The following ARHGAP6 variants were observed in gnomAD, a reference collection of about 807,000 sequenced individuals.
ARHGAP6 encodes the protein Rho GTPase activating protein 6, also known as rho GTPase-activating protein 6.
In ARHGAP6, 16 loss-of-function variants were observed where a neutral mutation model predicts 55.7. The ratio of observed to expected loss-of-function variants is 0.29; its 90% confidence interval spans 0.19 to 0.44. ARHGAP6 has a LOEUF of 0.44. Among genes scored for constraint, ARHGAP6 ranks in the 20% least tolerant of loss-of-function variants. ARHGAP6 has a pLI of 1.00. For synonymous variants in ARHGAP6, 382 were observed against 360.9 expected, an observed-to-expected ratio of 1.06 and a Z score of -0.66; for missense variants, 698 against 808.9, an observed-to-expected ratio of 0.86 and a Z score of 1.66.
rs764476015 is a variant in ARHGAP6, at chrX:11,424,589, G to A, written c.589-169882C>T. 5.9e-4 allele frequency among the ~76,000 whole-genome samples: 66 copies of A among 111,371 alleles called. 1 individual carries two copies. The highest frequency in any genetic ancestry group is 5.5e-3 in the Admixed American group (58 of 10,537). ...ACTGCTCTCAACCTCCTACCCAGCT[G>A]CCACCCTAGCATCAGTCATCTTCTC... On this transcript the variant is annotated intron_variant, in intron 1 of 12. Transcript: ENST00000337414.
At chrX:11,461,804 T>C (rs1237743404) in intron 1 of ARHGAP6, among the ~76,000 whole-genome samples, 1 of 111,848 alleles carries the variant, frequency 8.9e-6, no homozygotes, top group Non-Finnish European at 1.9e-5. Flanking sequence ...GACTTTAGAC[T>C]TCCTGCAGGC....
chrX:11,175,759 A>G (rs1341797007), intron 8 of ARHGAP6, among the ~76,000 whole-genome samples: 3 of 111,000 alleles, frequency 2.7e-5, no homozygotes, highest in Non-Finnish European at 5.7e-5. Flanking sequence ...GGATGCTGCT[A>G]AACATCCTAC....
Position 11,156,576 on chromosome X carries a change from A to G in ARHGAP6, c.1860T>C (p.Asp620=). Residue 620 remains aspartate (D), a synonymous_variant, in exon 10 of 13, where the codon GAT becomes GAC. Coordinates refer to ENST00000337414, the MANE Select transcript of ARHGAP6 (RefSeq NM_013427.3). ...NEVLISLLET[D]PDVVDYLLRR... is the part of the protein sequence containing the mutation. ...TGAGTAAATAGTCCACGACATCAGGATCGGTCTCTAACAGGCTGATCAGCA... is the reference window on the plus strand; with the variant it reads ...TGAGTAAATAGTCCACGACATCAGGGTCGGTCTCTAACAGGCTGATCAGCA... 8.3e-7 allele frequency: 1 copy of G among 1,211,705 alleles called. No homozygotes were observed. Among genetic ancestry groups the G allele is most frequent in the Non-Finnish European group, 1.1e-6 (1 of 895,377 alleles).
intron 1 of ARHGAP6, among the ~76,000 whole-genome samples, chrX:11,636,590 A>T (rs1306798672): frequency 9.0e-6 from 1 of 111,515 alleles, no homozygotes; most frequent in African/African-American, 3.3e-5. Flanking sequence ...GAAAAGGGTT[A>T]TGTGGATTTT....
At chrX:11,348,797 G>C (rs2048820172) in intron 1 of ARHGAP6, among the ~76,000 whole-genome samples, 1 of 110,568 alleles carries the variant, frequency 9.0e-6, no homozygotes, top group South Asian at 3.9e-4. Context: ...CTCCAGGTGG[G>C]CACCACACCT....
Position 11,139,216 on chromosome X carries a change from C to G in ARHGAP6, c.2572G>C (p.Gly858Arg). The G allele has an allele frequency of 8.3e-7, 1 of 1,201,786 alleles. No homozygotes were observed. Residue 858 changes from glycine (G) to arginine (R), a missense_variant, in exon 13 of 13, where the codon GGG becomes CGG. Transcript: ENST00000337414. ...TGAGGTGTGGCCCGGCTCTGCAGCC[C>G]GGCCACATCCAGCTCACTCTCGCTG... ...DLSESELDVA[G>R]LQSRATPQCQ... is the part of the protein sequence containing the mutation.
chrX:11,609,177 A>G (rs2052072517), intron 1 of ARHGAP6, among the ~76,000 whole-genome samples: 1 of 112,117 alleles, frequency 8.9e-6, no homozygotes, highest in Non-Finnish European at 1.9e-5. Flanking sequence ...ATTATCTTAA[A>G]TTTGGGTTCC....
chrX:11,178,969 C>T (rs918057622), intron 7 of ARHGAP6, among the ~76,000 whole-genome samples: 6 of 111,928 alleles, frequency 5.4e-5, no homozygotes, highest in Admixed American at 9.5e-5. Context: ...CCTCCTTCTT[C>T]GTACCAGAAA....
Position 11,553,622 on chromosome X carries a change from G to C in ARHGAP6, c.588+110619C>G, listed in dbSNP as rs2051292674. On this transcript the variant is annotated intron_variant, in intron 1 of 12. Coordinates refer to ENST00000337414, the MANE Select transcript of ARHGAP6 (RefSeq NM_013427.3). The stretch of plus-strand genomic sequence containing the variant: ...TAGTCCTTTTCTAATTTGAAAAGCA[G>C]AGCATTTTTACTCTTGAAGCAATTC... Among the ~76,000 whole-genome samples the C allele has an allele frequency of 2.7e-5, 3 of 111,926 alleles. No homozygotes were observed. In the Admixed American group the frequency reaches 2.8e-4, roughly 11 times the overall value.
chrX:11,233,255 C>T (rs1332518363), intron 2 of ARHGAP6, among the ~76,000 whole-genome samples: 3 of 112,188 alleles, frequency 2.7e-5, no homozygotes, highest in East Asian at 2.8e-4. Flanking sequence ...AGGTAGTTCA[C>T]GTCTGTTTAG....
chrX:11,316,878 C>A (rs746044423), intron 1 of ARHGAP6, among the ~76,000 whole-genome samples: 20 of 112,645 alleles, frequency 1.8e-4, no homozygotes, highest in South Asian at 3.7e-4. Flanking sequence ...CATGTTGTTG[C>A]AAATAACAGG....
intron 1 of ARHGAP6, among the ~76,000 whole-genome samples, chrX:11,386,406 C>T (rs890530790): frequency 2.7e-5 from 3 of 111,971 alleles, no homozygotes; most frequent in African/African-American, 9.7e-5. Context: ...CTAGAGACCA[C>T]GGAGTTCAGG....
intron 1 of ARHGAP6, among the ~76,000 whole-genome samples, chrX:11,274,224 T>C (rs976329179): frequency 8.9e-6 from 1 of 112,233 alleles, no homozygotes; most frequent in Non-Finnish European, 1.9e-5. Context: ...TTAATTATTA[T>C]AGGTAATAAA....
chrX:11,518,781 C>T (rs1407886688), intron 1 of ARHGAP6, among the ~76,000 whole-genome samples: 2 of 67,838 alleles, frequency 2.9e-5, no homozygotes, highest in Non-Finnish European at 5.4e-5. Flanking sequence ...CTATCCCTCC[C>T]CCCTCCCCCG....
intron 1 of ARHGAP6, among the ~76,000 whole-genome samples, chrX:11,480,128 T>A (rs750783199): frequency 8.9e-6 from 1 of 111,913 alleles, no homozygotes; most frequent in East Asian, 2.8e-4. Flanking sequence ...GTTTTGCCTA[T>A]CCACACAAAA....
intron 1 of ARHGAP6, among the ~76,000 whole-genome samples, chrX:11,409,207 C>T (rs1186870795): frequency 3.6e-5 from 4 of 112,115 alleles, no homozygotes; most frequent in Non-Finnish European, 7.5e-5. Context: ...GTATGTTAAT[C>T]CACCTAATAA....
chrX:11,643,807 T>G (rs1463737931), intron 1 of ARHGAP6, among the ~76,000 whole-genome samples: 1 of 111,232 alleles, frequency 9.0e-6, no homozygotes, highest in Non-Finnish European at 1.9e-5. Context: ...ATCTTCTTCC[T>G]CTCTTACAAC....
chrX:11,596,096 C>G (rs2051898750), intron 1 of ARHGAP6, among the ~76,000 whole-genome samples: 1 of 111,953 alleles, frequency 8.9e-6, no homozygotes, highest in African/African-American at 3.3e-5. Flanking sequence ...GATTATAAAC[C>G]ATTCTACTAT....
At chrX:11,367,660 T>C (rs1299435199) in intron 1 of ARHGAP6, 1 of 191,899 alleles carries the variant, frequency 5.2e-6, no homozygotes, top group Non-Finnish European at 7.9e-6. Flanking sequence ...TTCTGGATCT[T>C]AAGCTCATAT....
Sources: gnomAD v4.1 joint callset for allele counts (sites outside exome capture counted in the v4.1 genomes callset) on GRCh38, gnomAD v4.1.1 for gene constraint, MANE v1.5 for transcripts, NCBI Gene and HGNC (gene_info 2026-07-23, HGNC 2026-07-21) for gene names.